UBE3A: variants seen among roughly 807,000 people sequenced by gnomAD.
UBE3A encodes the protein ubiquitin-protein ligase E3A.
A neutral mutation model predicts 83.4 loss-of-function variants in UBE3A; 6 were observed. That is an observed-to-expected ratio of 0.07 (90% CI 0.04 to 0.14). The LOEUF (loss-of-function observed/expected upper bound fraction) is 0.14. Ranked by LOEUF, UBE3A falls within the 10% of genes least tolerant of loss-of-function variation. The probability of loss-of-function intolerance (pLI) is 1.00; values close to 1 mark genes in which losing one functional copy is unlikely to be tolerated. For synonymous variants in UBE3A, 337 were observed against 355.4 expected, an observed-to-expected ratio of 0.95 and a Z score of 0.58; for missense variants, 456 against 1,036.1, an observed-to-expected ratio of 0.44 and a Z score of 7.69.
chr15:25,402,093 G>A (rs1014343109), intron 4 of UBE3A, among the ~76,000 whole-genome samples: 15 of 152,160 alleles, frequency 9.9e-5, no homozygotes, highest in Admixed American at 9.2e-4. Flanking sequence ...CTGGTGTCAC[G>A]TTTCCCTGAC....
rs2152822349 is a variant in UBE3A at position 25,371,340 on chromosome 15, A to G, written c.834T>C (p.Pro278=). 1 of 1,614,188 alleles carries G rather than the reference A, an allele frequency of 6.2e-7. No individual in the cohort carries two copies. The highest frequency in any genetic ancestry group is 1.7e-5 in the Admixed American group (1 of 60,032). Residue 278 remains proline, a synonymous_variant, in exon 6 of 13, where the codon CCT becomes CCC. Coordinates refer to ENST00000648336, the MANE Select transcript of UBE3A (RefSeq NM_130839.5). The surrounding 1 kb of genome is among the most constrained non-coding windows in gnomAD (Gnocchi z 5.3). ...LTYHNVYSRD[P]NYLNLFIIVM... is the part of the protein sequence containing the mutation. ...CGATAATGAACAAATTCAGATAATT[A>G]GGATCTCGAGAGTATACATTGTGAT...
chr15:25,420,337 C>T (rs1184119499), intron 1 of UBE3A, among the ~76,000 whole-genome samples: 1 of 152,038 alleles, frequency 6.6e-6, no homozygotes, highest in Non-Finnish European at 1.5e-5. Flanking sequence ...AAGGACACAA[C>T]TTTAAAGACT....
At chr15:25,407,238 A>G (rs2088831524) in intron 3 of UBE3A, 1 of 1,162,864 alleles carries the variant, frequency 8.6e-7, no homozygotes, top group Non-Finnish European at 1.1e-6. Context: ...GCTGGCTTGC[A>G]AAACAAAAAA....
intron 1 of UBE3A, among the ~76,000 whole-genome samples, chr15:25,436,322 T>C (rs1895068251): frequency 6.6e-6 from 1 of 151,844 alleles, no homozygotes; most frequent in South Asian, 2.1e-4. Flanking sequence ...ATGTACATAA[T>C]GTAATGTTTC....
chr15:25,391,052 C>T (rs1485647240), intron 4 of UBE3A, among the ~76,000 whole-genome samples: 3 of 152,056 alleles, frequency 2.0e-5, no homozygotes, highest in Non-Finnish European at 2.9e-5. Flanking sequence ...TTTGTATACC[C>T]ATGTTTATTT....
chr15:25,433,222 T>G (rs1893990389), intron 1 of UBE3A, among the ~76,000 whole-genome samples: 1 of 150,616 alleles, frequency 6.6e-6, no homozygotes, highest in Non-Finnish European at 1.5e-5. Context: ...AGAGGCAGTC[T>G]CACTCTGTCG....
In UBE3A at chr15:25,337,818, TAAC is replaced by T. The variant is rs765017384; in HGVS notation, c.*1316_*1318del. 4 of 152,224 alleles carry T rather than the reference TAAC, an allele frequency of 2.6e-5. No homozygotes were observed. The highest frequency in any genetic ancestry group is 9.6e-5 in the African/African-American group (4 of 41,554). 9.4% of individuals were successfully genotyped at this position (152,224 alleles called of 1,614,324 possible). A position where few individuals can be genotyped will look rare whatever the true frequency, so the allele number is the denominator to read the frequency against. ...TATTTTATAATGCAATAAAAGAAAT[TAAC>T]AACATCACATACACAGAAGACTAGG... On this transcript the variant is annotated 3_prime_UTR_variant, in exon 13 of 13. Transcript: ENST00000648336.
intron 1 of UBE3A, among the ~76,000 whole-genome samples, chr15:25,424,193 A>G (rs1890655025): frequency 6.6e-6 from 1 of 152,048 alleles, no homozygotes; most frequent in Middle Eastern, 3.2e-3. Context: ...TTTCCCATCA[A>G]TTACTTTTCT....
chr15:25,375,481 A>C lies in UBE3A; in HGVS notation c.345T>G (p.Ala115=), dbSNP rs1308187741. Residue 115 remains alanine (A), a synonymous_variant, in exon 5 of 13, where the codon GCT becomes GCG. Coordinates refer to ENST00000648336, the MANE Select transcript of UBE3A (RefSeq NM_130839.5). ...CSEIKMNKKG[A]RIDFKDVTYL... Reference sequence around the variant, plus strand: ...ACATCTTACCTTTAAAATCAATTCTAGCGCCTTTCTTGTTCATTTTTATCT... The same window carrying C: ...ACATCTTACCTTTAAAATCAATTCTCGCGCCTTTCTTGTTCATTTTTATCT... 4 of 1,614,052 alleles carry C rather than the reference A, an allele frequency of 2.5e-6. No individual in the cohort carries two copies. The highest frequency in any genetic ancestry group is 3.4e-6 in the Non-Finnish European group (4 of 1,179,982).
At chr15:25,435,427 G>A (rs1894784037) in intron 1 of UBE3A, among the ~76,000 whole-genome samples, 1 of 152,194 alleles carries the variant, frequency 6.6e-6, no homozygotes. Flanking sequence ...CTGCTCTAGT[G>A]CTGTGGTCTG....
chr15:25,426,883 A>G (rs748678172), intron 1 of UBE3A, among the ~76,000 whole-genome samples: 7 of 151,660 alleles, frequency 4.6e-5, no homozygotes, highest in Admixed American at 1.3e-4. Flanking sequence ...CAGTGGTGTG[A>G]TAACAACTCA....
At chr15:25,431,052 C>G (rs1447951728) in intron 1 of UBE3A, among the ~76,000 whole-genome samples, 1 of 152,118 alleles carries the variant, frequency 6.6e-6, no homozygotes, top group East Asian at 1.9e-4. Context: ...GTATAAAAGA[C>G]CAAAATTAGC....
At chr15:25,408,624 A>G (rs775732231) in intron 3 of UBE3A, 2 of 1,613,852 alleles carry the variant, frequency 1.2e-6, no homozygotes, top group South Asian at 1.1e-5. Context: ...GCTCACTTCC[A>G]ATAACACTGG....
intron 4 of UBE3A, among the ~76,000 whole-genome samples, chr15:25,401,884 C>T (rs1447811696): frequency 1.3e-5 from 2 of 152,130 alleles, no homozygotes; most frequent in Admixed American, 6.5e-5. Flanking sequence ...TTTTCAGCTT[C>T]AGAATTTGTT....
intron 4 of UBE3A, among the ~76,000 whole-genome samples, chr15:25,397,491 T>C (rs548513916): frequency 3.0e-4 from 46 of 152,240 alleles, no homozygotes; most frequent in African/African-American, 9.6e-4. Flanking sequence ...TGAAGACCCA[T>C]AGGCTATCCC....
chr15:25,409,460 A>C (rs2089451163), intron 2 of UBE3A: 1 of 191,026 alleles, frequency 5.2e-6, no homozygotes, highest in Admixed American at 5.7e-5. Context: ...TTTGGTCAAT[A>C]GTACCTTGAG....
At chr15:25,347,796 CAATA>C (rs374429970) in intron 11 of UBE3A, among the ~76,000 whole-genome samples, 135 of 152,058 alleles carry the variant, frequency 8.9e-4, no homozygotes, top group African/African-American at 2.8e-3. Context: ...TCATGGAAGG[CAATA>C]AATAAATAAC....
chr15:25,336,474 T>A lies in UBE3A; in HGVS notation c.*2663A>T, dbSNP rs67587733. The A allele has an allele frequency of 0.12, 18,124 of 152,238 alleles. 1,157 individuals carry two copies. The highest frequency in any genetic ancestry group is 0.23 in the Middle Eastern group (68 of 294). The allele number at this position is 152,238 out of a possible 1,614,324, so 9.4% of individuals were successfully genotyped here. On this transcript the variant is annotated 3_prime_UTR_variant, in exon 13 of 13. Transcript: ENST00000648336. Reference sequence around the variant, plus strand: ...GCTGCCCCATTACAACCATCTGTTCTAACAGAATGTCTGTACCGAGGAGGG... The same window carrying A: ...GCTGCCCCATTACAACCATCTGTTCAAACAGAATGTCTGTACCGAGGAGGG...
intron 4 of UBE3A, among the ~76,000 whole-genome samples, chr15:25,401,841 T>C (rs960218442): frequency 3.3e-5 from 5 of 152,244 alleles, no homozygotes. Context: ...CTGCTTTTAA[T>C]GCTCTTTTGC....
Sources: gnomAD v4.1 joint callset for allele counts (sites outside exome capture counted in the v4.1 genomes callset) on GRCh38, gnomAD v4.1.1 for gene constraint, Gnocchi (gnomAD v3.1) non-coding constraint, MANE v1.5 for transcripts, NCBI Gene and HGNC (gene_info 2026-07-23, HGNC 2026-07-21) for gene names.